SLC16A12: variants seen among roughly 807,000 people sequenced by gnomAD.
SLC16A12 encodes the protein monocarboxylate transporter 12.
A neutral mutation model predicts 42.4 loss-of-function variants in SLC16A12; 17 were observed. That is an observed-to-expected ratio of 0.40 (90% CI 0.27 to 0.60). The LOEUF (loss-of-function observed/expected upper bound fraction) is 0.60. Ranked by LOEUF, SLC16A12 falls within the 20% of genes least tolerant of loss-of-function variation. The pLI, the probability that SLC16A12 is intolerant of heterozygous loss-of-function variation, is 0.42. For synonymous variants in SLC16A12, 224 were observed against 229.4 expected (o/e 0.98, Z 0.21); for missense variants, 544 against 623.0 (o/e 0.87, Z 1.35).
intron 2 of SLC16A12, among the ~76,000 whole-genome samples, chr10:89,545,963 G>A (rs1247480796): frequency 1.3e-5 from 2 of 152,154 alleles, no homozygotes; most frequent in Non-Finnish European, 2.9e-5. Flanking sequence ...GGTAGTAAAT[G>A]GTGCTGGGAA....
At chr10:89,534,382 C>G (rs1005710706) in intron 2 of SLC16A12, 119 bp downstream of exon 2, 2 of 152,156 alleles carry the variant, frequency 1.3e-5, no homozygotes, top group Non-Finnish European at 1.5e-5. Context: ...GATTTTCCCC[C>G]TGGGCTAAGC....
At chr10:89,435,983 A>G in intron 7 of SLC16A12, 77 bp downstream of exon 7, 1 of 1,589,864 alleles carries the variant, frequency 6.3e-7, no homozygotes, top group Non-Finnish European at 8.6e-7. Flanking sequence ...CTTCTCATTG[A>G]CTGCATGTGG....
intron 6 of SLC16A12, among the ~76,000 whole-genome samples, chr10:89,436,898 AAGAAAG>A (rs1349178775): frequency 2.7e-5 from 4 of 149,366 alleles, no homozygotes; most frequent in Admixed American, 6.6e-5. Context: ...GAAAGAAAGA[AAGAAAG>A]AAAGAAAGAA....
At chr10:89,554,045 A>AAAGAGAGAAAGG (rs1843788026) in intron 2 of SLC16A12, among the ~76,000 whole-genome samples, 1 of 53,396 alleles carries the variant, frequency 1.9e-5, no homozygotes, top group African/African-American at 8.1e-5. Context: ...AGAAAGAAAG[A>AAAGAGAGAAAGG]AAGAAAGAAA....
chr10:89,442,743 A>G (rs902208457), intron 4 of SLC16A12, among the ~76,000 whole-genome samples: 6 of 152,190 alleles, frequency 3.9e-5, no homozygotes, highest in Admixed American at 2.6e-4. Context: ...TCCCAACCAA[A>G]CAAATATTAT....
At position 89,436,295 on chromosome 10, in the gene SLC16A12, A is replaced by T. The variant is rs1841785443; in HGVS notation, c.1053T>A (p.Val351=). Residue 351 remains valine, a synonymous_variant, in exon 7 of 8, where the codon GTT becomes GTA. Coordinates refer to ENST00000371790, the MANE Select transcript of SLC16A12 (RefSeq NM_213606.4). ...DRRCLKNYQY[V]CYLFAVGMDG... is the part of the protein sequence containing the mutation. ...CCATTCCCACGGCAAAGAGGTAGCA[A>T]ACATACTGGTAATTCTTCAGACACC... 6.2e-7 allele frequency: 1 copy of T among 1,614,024 alleles called. No homozygotes were observed. The highest frequency in any genetic ancestry group is 1.7e-5 in the Admixed American group (1 of 59,998).
At position 89,436,044 on chromosome 10, in the gene SLC16A12, C is replaced by T. The variant is rs200289728; in HGVS notation, c.1288+16G>A. ...CAAAGAGAAAAGGTGGTTGGGGTTT[C>T]TCTCTGGAAACTTACCTGCGATGGG... On this transcript the variant is annotated intron_variant, in intron 7 of 7. Coordinates refer to ENST00000371790, the MANE Select transcript of SLC16A12 (RefSeq NM_213606.4). 6.2e-7 allele frequency: 1 copy of T among 1,613,494 alleles called. No homozygotes were observed. The highest frequency in any genetic ancestry group is 8.5e-7 in the Non-Finnish European group (1 of 1,179,730).
intron 2 of SLC16A12, among the ~76,000 whole-genome samples, chr10:89,484,402 C>CA (rs1842717180): frequency 6.6e-6 from 1 of 152,142 alleles, no homozygotes; most frequent in Non-Finnish European, 1.5e-5. Context: ...CATACCATAA[C>CA]AAAAAATCTT....
chr10:89,539,066 G>C (rs1190231799), upstream of SLC16A12, among the ~76,000 whole-genome samples: 1 of 152,064 alleles, frequency 6.6e-6, no homozygotes, highest in Non-Finnish European at 1.5e-5. Flanking sequence ...TATAAATTCC[G>C]ATTTTCCTCT....
chr10:89,472,861 G>A lies in SLC16A12; in HGVS notation c.-46-10237C>T, dbSNP rs184417341. Reference sequence around the variant, plus strand: ...GAGACAGGATCTCACTCTGTCACCTGGGCCAGAGTGCAGTGGCGCTATCAT... The same window carrying A: ...GAGACAGGATCTCACTCTGTCACCTAGGCCAGAGTGCAGTGGCGCTATCAT... On this transcript the variant is annotated intron_variant, in intron 2 of 7. Coordinates refer to ENST00000371790, the MANE Select transcript of SLC16A12 (RefSeq NM_213606.4). 1.2e-3 allele frequency among the ~76,000 whole-genome samples: 186 copies of A among 151,414 alleles called. 2 individuals are homozygous for A. The highest frequency in any genetic ancestry group is 5.7e-3 in the South Asian group (27 of 4,772).
intron 2 of SLC16A12, among the ~76,000 whole-genome samples, chr10:89,474,811 C>T (rs1026630480): frequency 9.2e-5 from 14 of 152,192 alleles, no homozygotes; most frequent in African/African-American, 2.9e-4. Context: ...ATGTTATCTT[C>T]ATCTTGACCC....
intron 2 of SLC16A12, among the ~76,000 whole-genome samples, chr10:89,473,902 C>T (rs1344221850): frequency 6.6e-6 from 1 of 152,176 alleles, no homozygotes; most frequent in Non-Finnish European, 1.5e-5. Flanking sequence ...TTGAAGTCCT[C>T]AGCAGAAGCC....
At chr10:89,447,373 C>G (rs1259061775) in intron 3 of SLC16A12, among the ~76,000 whole-genome samples, 1 of 152,178 alleles carries the variant, frequency 6.6e-6, no homozygotes, top group African/African-American at 2.4e-5. Flanking sequence ...CACTCCTTAG[C>G]AAATGTAAAA....
upstream of SLC16A12, among the ~76,000 whole-genome samples, chr10:89,539,270 GTGGTCAGCTGATC>G (rs1843697721): frequency 6.6e-6 from 1 of 152,144 alleles, no homozygotes; most frequent in South Asian, 2.1e-4. Flanking sequence ...TTTCGCTGAT[GTGGTCAGCTGATC>G]TGGTACCTCC....
chr10:89,513,802 T>C (rs183068539), intron 2 of SLC16A12, among the ~76,000 whole-genome samples: 14 of 152,260 alleles, frequency 9.2e-5, no homozygotes, highest in Admixed American at 6.5e-4. Flanking sequence ...CAGGAGTATG[T>C]GGTTAAATGG....
At chr10:89,530,322 T>G (rs947737959) in intron 2 of SLC16A12, among the ~76,000 whole-genome samples, 20 of 152,350 alleles carry the variant, frequency 1.3e-4, no homozygotes, top group African/African-American at 4.6e-4. Context: ...TTCATGTTGC[T>G]TTTTAAAAAG....
rs539740596 is a variant in SLC16A12, at chr10:89,444,128, G to A, written c.201-269C>T. On this transcript the variant is annotated intron_variant, in intron 3 of 7. Coordinates refer to ENST00000371790, the MANE Select transcript of SLC16A12 (RefSeq NM_213606.4). ...TTTTATGGAAACAAAAGCAGGTCAG[G>A]AACATGGATTCTTATTTATTTTTGT... Among the ~76,000 whole-genome samples the A allele has an allele frequency of 7.2e-5, 11 of 152,282 alleles. 1 individual carries two copies. Among genetic ancestry groups the A allele is most frequent in the Admixed American group, 6.5e-4 (10 of 15,296 alleles).
intron 2 of SLC16A12, among the ~76,000 whole-genome samples, chr10:89,489,951 G>A (rs1351506088): frequency 6.6e-6 from 1 of 152,224 alleles, no homozygotes; most frequent in East Asian, 1.9e-4. Context: ...GGAACAAACT[G>A]AACAATGTAT....
intron 2 of SLC16A12, among the ~76,000 whole-genome samples, chr10:89,492,613 A>G (rs1842863390): frequency 6.6e-6 from 1 of 152,176 alleles, no homozygotes; most frequent in Admixed American, 6.5e-5. Flanking sequence ...TACTAAAAAC[A>G]CAAGAGTGCG....
Sources: gnomAD v4.1 joint callset for allele counts (sites outside exome capture counted in the v4.1 genomes callset) on GRCh38, gnomAD v4.1.1 for gene constraint, MANE v1.5 for transcripts, NCBI Gene and HGNC (gene_info 2026-07-23, HGNC 2026-07-21) for gene names.